The following ANOS1 variants were observed in gnomAD, a reference collection of about 807,000 sequenced individuals.
ANOS1 encodes the protein anosmin-1.
ANOS1 carries 6 observed loss-of-function variants against 59.0 expected under a neutral mutation model. That is an observed-to-expected ratio of 0.10 (90% CI 0.06 to 0.20). The LOEUF (loss-of-function observed/expected upper bound fraction) is 0.20. ANOS1 is among the 10% of genes least tolerant of loss of function. The pLI, the probability that ANOS1 is intolerant of heterozygous loss-of-function variation, is 1.00. For synonymous variants in ANOS1, 217 were observed against 223.4 expected, an observed-to-expected ratio of 0.97 and a Z score of 0.25; for missense variants, 433 against 542.3, an observed-to-expected ratio of 0.80 and a Z score of 2.00.
At chrX:8,596,926 T>C (rs1253279569) in intron 4 of ANOS1, 108 bp downstream of exon 4, 2 of 1,114,116 alleles carry the variant, frequency 1.8e-6, no homozygotes, top group Non-Finnish European at 2.4e-6. Context: ...TTTCTAAAGA[T>C]TTTATGTTTT....
intron 3 of ANOS1, among the ~76,000 whole-genome samples, chrX:8,602,313 G>C (rs2146830716): frequency 8.9e-6 from 1 of 111,903 alleles, no homozygotes; most frequent in South Asian, 3.7e-4. Context: ...GTACAGGTCA[G>C]AGAAAATGCT....
At position 8,553,938 on chromosome X, in the gene ANOS1, T is replaced by C. The variant is rs1310699205; in HGVS notation, c.1354+14A>G. On this transcript the variant is annotated intron_variant, in intron 9 of 13. Transcript: ENST00000262648. ...TTAAAGCAAGTAAGAAATAAGTAAGTAATGTTTATGTACCTTCTGTCTTCT... is the reference window on the plus strand; with the variant it reads ...TTAAAGCAAGTAAGAAATAAGTAAGCAATGTTTATGTACCTTCTGTCTTCT... 3.3e-6 allele frequency: 4 copies of C among 1,197,284 alleles called. No individual in the cohort carries two copies. The highest frequency in any genetic ancestry group is 3.6e-5 in the African/African-American group (2 of 56,222).
chrX:8,682,913 G>C (rs1313961089), intron 2 of ANOS1, among the ~76,000 whole-genome samples: 1 of 111,399 alleles, frequency 9.0e-6, no homozygotes, highest in African/African-American at 3.3e-5. Flanking sequence ...TGTAGGTTAG[G>C]GCTACCACGG....
intron 3 of ANOS1, among the ~76,000 whole-genome samples, chrX:8,606,892 C>G (rs1930953137): frequency 8.9e-6 from 1 of 112,714 alleles, no homozygotes; most frequent in Non-Finnish European, 1.9e-5. Context: ...CCAAGGCAGA[C>G]AGATCACTTG....
chrX:8,596,560 A>G (rs1224206743), intron 4 of ANOS1, among the ~76,000 whole-genome samples: 1 of 112,298 alleles, frequency 8.9e-6, no homozygotes, highest in African/African-American at 3.2e-5. Flanking sequence ...TAGAATCTCA[A>G]GGTACTAATG....
At chrX:8,712,683 G>A (rs1488453022) in intron 1 of ANOS1, among the ~76,000 whole-genome samples, 1 of 112,551 alleles carries the variant, frequency 8.9e-6, no homozygotes, top group Non-Finnish European at 1.9e-5. Context: ...CACTGACAAT[G>A]GTTTTTCCTT....
At chrX:8,626,350 T>G (rs1017217564) in intron 2 of ANOS1, among the ~76,000 whole-genome samples, 1 of 110,167 alleles carries the variant, frequency 9.1e-6, no homozygotes, top group African/African-American at 3.3e-5. Context: ...TAAAAAAATT[T>G]TTAGATGTCA....
Position 8,534,605 on chromosome X carries a change from T to C in ANOS1, c.1843-145A>G. 5 of 571,197 alleles carry C rather than the reference T, an allele frequency of 8.8e-6. No individual in the cohort carries two copies. In the South Asian group the frequency reaches 1.3e-4, roughly 15 times the overall value. The allele number at this position is 571,197 out of a possible 1,213,427, so 47.1% of individuals were successfully genotyped here. On this transcript the variant is annotated intron_variant, in intron 12 of 13. Transcript: ENST00000262648. ...GTTGCTTTGTAAAGGCATAGTTTAATTTATAGACTATTTCTCATTTGTGGG... is the reference window on the plus strand; with the variant it reads ...GTTGCTTTGTAAAGGCATAGTTTAACTTATAGACTATTTCTCATTTGTGGG...
chrX:8,696,088 G>T (rs983718917), intron 2 of ANOS1, among the ~76,000 whole-genome samples: 5 of 111,888 alleles, frequency 4.5e-5, no homozygotes, highest in African/African-American at 1.6e-4. Context: ...CTGGTATGGG[G>T]CCCCACAGTA....
chrX:8,596,773 C>T (rs1930744078), intron 4 of ANOS1, among the ~76,000 whole-genome samples: 1 of 111,726 alleles, frequency 9.0e-6, no homozygotes, highest in African/African-American at 3.3e-5. Context: ...CAAAAATGTT[C>T]CTGAATTGTT....
intron 2 of ANOS1, among the ~76,000 whole-genome samples, chrX:8,634,789 T>C (rs1158163739): frequency 8.9e-6 from 1 of 111,852 alleles, no homozygotes; most frequent in Non-Finnish European, 1.9e-5. Context: ...CTATTATGGA[T>C]ATAAATCTAT....
At chrX:8,636,636 G>A (rs1432944714) in intron 2 of ANOS1, among the ~76,000 whole-genome samples, 3 of 111,785 alleles carry the variant, frequency 2.7e-5, no homozygotes, top group Non-Finnish European at 5.6e-5. Context: ...TTGTAACACT[G>A]ACAGCTTAAT....
intron 1 of ANOS1, among the ~76,000 whole-genome samples, chrX:8,719,799 T>C (rs1268189921): frequency 2.7e-5 from 3 of 110,601 alleles, no homozygotes; most frequent in African/African-American, 1.0e-4. Context: ...TTCTGAAGTA[T>C]TAACAACTTG....
In ANOS1 at chrX:8,587,801, A is replaced by C. The variant is rs1930544029; in HGVS notation, c.719T>G (p.Val240Gly). The C allele has an allele frequency of 8.3e-7, 1 of 1,199,065 alleles. No individual in the cohort carries two copies. ...SEDDATHWQTVAQTTDERVQL... is the reference protein window; with the variant it reads ...SEDDATHWQTGAQTTDERVQL... ...TCTATATGAGGTTCTTACCTGGGCC[A>C]CTGTCTGCCAGTGAGTGGCGTCATC... The change falls in exon 5 of 14, where the codon GTG becomes GGG. Residue 240 changes from valine to glycine, a missense_variant. Coordinates refer to ENST00000262648, the MANE Select transcript of ANOS1 (RefSeq NM_000216.4).
chrX:8,722,536 A>G (rs1265588844), intron 1 of ANOS1, among the ~76,000 whole-genome samples: 1 of 110,620 alleles, frequency 9.0e-6, no homozygotes, highest in African/African-American at 3.3e-5. Context: ...CCATCAGTTC[A>G]TTCCTTTTTA....
chrX:8,716,148 C>T (rs1396540921), intron 1 of ANOS1, among the ~76,000 whole-genome samples: 2 of 111,281 alleles, frequency 1.8e-5, no homozygotes, highest in African/African-American at 6.5e-5. Flanking sequence ...AACAGAAGAC[C>T]TTAGGACCAG....
At chrX:8,709,638 G>A (rs1027964435) in intron 1 of ANOS1, among the ~76,000 whole-genome samples, 2 of 111,882 alleles carry the variant, frequency 1.8e-5, no homozygotes, top group African/African-American at 6.5e-5. Flanking sequence ...TGGCTATAGT[G>A]TACTTTAGGT....
intron 4 of ANOS1, among the ~76,000 whole-genome samples, chrX:8,588,893 A>G (rs1190885214): frequency 8.9e-6 from 1 of 112,708 alleles, no homozygotes; most frequent in Admixed American, 9.4e-5. Flanking sequence ...AATGCCATCA[A>G]CACCAAGAAC....
intron 2 of ANOS1, among the ~76,000 whole-genome samples, chrX:8,697,974 G>A (rs183897809): frequency 2.1e-4 from 24 of 112,088 alleles, no homozygotes; most frequent in Non-Finnish European, 3.6e-4. Context: ...CAAAAGAAAT[G>A]CAAATTGTAA....
Sources: gnomAD v4.1 joint callset for allele counts (sites outside exome capture counted in the v4.1 genomes callset) on GRCh38, gnomAD v4.1.1 for gene constraint, MANE v1.5 for transcripts, NCBI Gene and HGNC (gene_info 2026-07-23, HGNC 2026-07-21) for gene names.